TMEM135: variants seen among roughly 807,000 people sequenced by gnomAD.
TMEM135 encodes transmembrane protein 135, also known as peroxisomal membrane protein 52.
TMEM135 carries 30 observed loss-of-function variants against 60.3 expected under a neutral mutation model. The observed-to-expected ratio is 0.50, with a 90% confidence interval of 0.37 to 0.68. The LOEUF is 0.68. Ranked by LOEUF, TMEM135 falls within the 30% of genes least tolerant of loss-of-function variation. The pLI is 0.00. For synonymous variants in TMEM135, 190 were observed against 186.7 expected (o/e 1.02, Z -0.14); for missense variants, 468 against 548.8 (o/e 0.85, Z 1.47).
At chr11:87,192,917 C>T (rs914428859) in intron 5 of TMEM135, among the ~76,000 whole-genome samples, 1 of 152,114 alleles carries the variant, frequency 6.6e-6, no homozygotes, top group Non-Finnish European at 1.5e-5. Flanking sequence ...GAGTTCAAGG[C>T]CAGCCTGGCC....
At chr11:87,091,518 A>G (rs1403532772) in intron 4 of TMEM135, 123 bp downstream of exon 4, 2 of 908,360 alleles carry the variant, frequency 2.2e-6, no homozygotes, top group African/African-American at 1.7e-5. Flanking sequence ...CTCTGTGTTA[A>G]TGGATAGAAT....
chr11:87,043,081 G>T (rs1454595480), intron 1 of TMEM135, among the ~76,000 whole-genome samples: 1 of 149,868 alleles, frequency 6.7e-6, no homozygotes, highest in Non-Finnish European at 1.5e-5. Context: ...TCAGCCTCCC[G>T]AGTAGCTGGG....
chr11:87,102,784 C>A (rs1040895987), intron 4 of TMEM135, among the ~76,000 whole-genome samples: 9 of 149,410 alleles, frequency 6.0e-5, no homozygotes, highest in Admixed American at 6.7e-5. Context: ...ATCAAATTAA[C>A]ATCACCTCAG....
At chr11:87,222,609 G>C (rs1262523184) in intron 5 of TMEM135, among the ~76,000 whole-genome samples, 4 of 150,692 alleles carry the variant, frequency 2.7e-5, no homozygotes, top group Non-Finnish European at 1.5e-5. Flanking sequence ...TTCGAGACCA[G>C]CCTGACTAAC....
chr11:87,228,333 C>T (rs149649546), intron 5 of TMEM135, among the ~76,000 whole-genome samples: 50 of 152,176 alleles, frequency 3.3e-4, no homozygotes, highest in African/African-American at 1.1e-3. Flanking sequence ...CTCCTGAATC[C>T]GGAGCTTACC....
intron 13 of TMEM135, among the ~76,000 whole-genome samples, chr11:87,318,874 C>CT (rs71470739): frequency 0.11 from 14,450 of 134,206 alleles, 894 homozygotes; most frequent in Non-Finnish European, 0.14. Flanking sequence ...TTTTTTTTTT[C>CT]TTTTTTTTTT....
At chr11:87,166,657 G>C (rs1411421203) in intron 5 of TMEM135, among the ~76,000 whole-genome samples, 1 of 151,494 alleles carries the variant, frequency 6.6e-6, no homozygotes, top group Non-Finnish European at 1.5e-5. Flanking sequence ...CTGTTCCATT[G>C]GCCTATATAT....
In TMEM135 at chr11:87,058,682, C is replaced by T. The variant is rs182956547; in HGVS notation, c.142-9012C>T. The stretch of plus-strand genomic sequence containing the variant: ...TTGCCGAGGCTGGAGTGCAGTGGCG[C>T]GATCTCAGCTCACTGCAAGCCCCAC... On this transcript the variant is annotated intron_variant, in intron 1 of 14. Transcript: ENST00000305494. Among the ~76,000 whole-genome samples the T allele has an allele frequency of 3.3e-3, 497 of 152,006 alleles. 3 individuals carry two copies. Among genetic ancestry groups the T allele is most frequent in the African/African-American group, 0.011 (475 of 41,484 alleles).
At chr11:87,285,170 G>A (rs779871723) in intron 6 of TMEM135, among the ~76,000 whole-genome samples, 48 of 152,332 alleles carry the variant, frequency 3.2e-4, no homozygotes, top group Non-Finnish European at 4.6e-4. Context: ...TGTTGATCAT[G>A]TGTCAAATAC....
chr11:87,110,203 C>G (rs968623533), intron 4 of TMEM135, among the ~76,000 whole-genome samples: 2 of 152,060 alleles, frequency 1.3e-5, no homozygotes, highest in African/African-American at 4.8e-5. Flanking sequence ...GTCTGTATAC[C>G]ACTTATGCAA....
intron 6 of TMEM135, among the ~76,000 whole-genome samples, chr11:87,282,682 A>G (rs1942082909): frequency 1.3e-5 from 2 of 152,146 alleles, no homozygotes. Context: ...TTTCTTTTAT[A>G]TTGTCCAAGA....
At chr11:87,104,363 A>C (rs1857541005) in intron 4 of TMEM135, among the ~76,000 whole-genome samples, 1 of 152,122 alleles carries the variant, frequency 6.6e-6, no homozygotes, top group East Asian at 1.9e-4. Flanking sequence ...AAAATCAGGG[A>C]ATGTGATGGC....
intron 1 of TMEM135, among the ~76,000 whole-genome samples, chr11:87,043,257 T>C (rs1005996710): frequency 6.6e-6 from 1 of 151,914 alleles, no homozygotes; most frequent in African/African-American, 2.4e-5. Context: ...GCCCAGCCTA[T>C]TTCTGTAGTT....
At chr11:87,274,786 C>CTGTGTGTA (rs1941936190) in intron 6 of TMEM135, among the ~76,000 whole-genome samples, 1 of 129,290 alleles carries the variant, frequency 7.7e-6, no homozygotes, top group Admixed American at 8.2e-5. Flanking sequence ...CATAGCAAGA[C>CTGTGTGTA]TGTGTGTGTG....
Position 87,266,650 on chromosome 11 carries a change from C to G in TMEM135, c.510-29132C>G, listed in dbSNP as rs544348322. Among the ~76,000 whole-genome samples, 3 of 152,230 alleles carry G rather than the reference C, an allele frequency of 2.0e-5. No homozygotes were observed. The South Asian group carries it at 6.2e-4, about 32-fold the overall frequency. ...GGAGAAAAGAGAAAATGGTGCAAAACAAAAGCTATCAGACATGAATGAACC... is the reference window on the plus strand; with the variant it reads ...GGAGAAAAGAGAAAATGGTGCAAAAGAAAAGCTATCAGACATGAATGAACC... On this transcript the variant is annotated intron_variant, in intron 6 of 14. Coordinates refer to ENST00000305494, the MANE Select transcript of TMEM135 (RefSeq NM_022918.4).
At position 87,318,221 on chromosome 11, in the gene TMEM135, A is replaced by G. The variant is rs142933575; in HGVS notation, c.1162A>G (p.Ile388Val). Reference protein sequence around the residue: ...DTIIYSISTAICFQAAVMEVQ... With the variant: ...DTIIYSISTAVCFQAAVMEVQ... Reference sequence around the variant, plus strand: ...TATCATCTATTCCATCTCTACAGCAATTTGCTTCCAGGCAGTAAGTATAAC... The same window carrying G: ...TATCATCTATTCCATCTCTACAGCAGTTTGCTTCCAGGCAGTAAGTATAAC... Residue 388 changes from isoleucine (I) to valine (V), a missense_variant, in exon 13 of 15, where the codon ATT (isoleucine) becomes GTT (valine). Ile to Val is a conservative substitution (Grantham distance 29, BLOSUM62 3). Transcript: ENST00000305494. 2.4e-4 allele frequency: 389 copies of G among 1,611,520 alleles called. No individual in the cohort carries two copies. In the African/African-American group the frequency reaches 4.8e-3, roughly 20 times the overall value.
intron 6 of TMEM135, among the ~76,000 whole-genome samples, chr11:87,250,968 C>T (rs1047735999): frequency 2.6e-5 from 4 of 151,960 alleles, no homozygotes; most frequent in African/African-American, 4.8e-5. Context: ...GGCAATGATA[C>T]GGTGGAGAGT....
intron 4 of TMEM135, among the ~76,000 whole-genome samples, chr11:87,098,067 G>A (rs192031256): frequency 6.6e-6 from 1 of 151,998 alleles, no homozygotes; most frequent in Non-Finnish European, 1.5e-5. Context: ...TACCTAAAAT[G>A]TACTTTGTGC....
At chr11:87,090,672 T>C (rs990888009) in intron 3 of TMEM135, among the ~76,000 whole-genome samples, 4 of 152,158 alleles carry the variant, frequency 2.6e-5, no homozygotes, top group Admixed American at 6.5e-5. Flanking sequence ...ATTTCTCATA[T>C]GCAGTATAAG....
Sources: allele counts gnomAD v4.1 joint callset (sites outside exome capture counted in the v4.1 genomes callset), GRCh38; gene constraint gnomAD v4.1.1; transcripts MANE v1.5; gene names NCBI Gene and HGNC (gene_info 2026-07-23, HGNC 2026-07-21).